BLMH: variants seen among roughly 807,000 people sequenced by gnomAD.
The protein encoded by BLMH is bleomycin hydrolase.
BLMH carries 32 observed loss-of-function variants against 61.6 expected under a neutral mutation model. The observed-to-expected ratio is 0.52, with a 90% CI of 0.39 to 0.70. The LOEUF is 0.70. Ranked by LOEUF, BLMH falls within the 30% of genes least tolerant of loss-of-function variation. The probability of loss-of-function intolerance (pLI) is 0.00; values close to 1 mark genes in which losing one functional copy is unlikely to be tolerated. For synonymous variants in BLMH, 183 were observed against 193.8 expected, an observed-to-expected ratio of 0.94 and a Z score of 0.46; for missense variants, 460 against 555.5, an observed-to-expected ratio of 0.83 and a Z score of 1.73.
At chr17:30,272,684 C>A in intron 8 of BLMH, 56 bp from the exon 9 acceptor site, 2 of 1,613,884 alleles carry the variant, frequency 1.2e-6, no homozygotes, top group East Asian at 4.5e-5. Flanking sequence ...TCCTATTATA[C>A]CAAAGAAGTA....
intron 3 of BLMH, among the ~76,000 whole-genome samples, chr17:30,289,108 A>C (rs780653944): frequency 6.6e-6 from 1 of 152,226 alleles, no homozygotes; most frequent in Non-Finnish European, 1.5e-5. Flanking sequence ...TTGAATATTG[A>C]ATATAAAATT....
At chr17:30,273,024 C>G (rs1440276768) in intron 7 of BLMH, 125 bp from the exon 8 acceptor site, 1 of 1,053,588 alleles carries the variant, frequency 9.5e-7, no homozygotes, top group Non-Finnish European at 1.4e-6. Context: ...AGTACTACAG[C>G]CACATTGTTA....
chr17:30,267,744 GA>G (rs1908150263), intron 10 of BLMH, among the ~76,000 whole-genome samples: 1 of 152,144 alleles, frequency 6.6e-6, no homozygotes, highest in Non-Finnish European at 1.5e-5. Flanking sequence ...CTCCATTTGG[GA>G]AAAGACTTTT....
intron 5 of BLMH, 101 bp downstream of exon 5, chr17:30,286,713 G>C: frequency 1.3e-6 from 1 of 775,376 alleles, no homozygotes; most frequent in South Asian, 1.7e-5. Context: ...TAGTTATCTT[G>C]TACACAAACT....
intron 11 of BLMH, among the ~76,000 whole-genome samples, chr17:30,260,506 T>C (rs993681181): frequency 2.6e-5 from 4 of 152,178 alleles, no homozygotes; most frequent in Admixed American, 6.5e-5. Context: ...AGTATGTGCT[T>C]CCTCTATTCC....
At chr17:30,272,409 T>C in intron 9 of BLMH, 152 bp downstream of exon 9, 2 of 797,552 alleles carry the variant, frequency 2.5e-6, no homozygotes, top group South Asian at 3.2e-5. Context: ...CTGCTATGAG[T>C]CCTCAAACTC....
intron 1 of BLMH, 124 bp from the exon 2 acceptor site, chr17:30,291,632 A>C (rs952272685): frequency 7.1e-7 from 1 of 1,408,024 alleles, no homozygotes; most frequent in Admixed American, 2.1e-5. Flanking sequence ...GGGGAAACCC[A>C]TAAGCGGCAT....
chr17:30,285,823 C>T (rs1368481624), intron 5 of BLMH, among the ~76,000 whole-genome samples: 1 of 152,150 alleles, frequency 6.6e-6, no homozygotes, highest in African/African-American at 2.4e-5. Flanking sequence ...GATAATTATG[C>T]CACTATGTTA....
At chr17:30,261,587 A>G (rs1349102517) in intron 11 of BLMH, among the ~76,000 whole-genome samples, 2 of 152,246 alleles carry the variant, frequency 1.3e-5, no homozygotes, top group African/African-American at 4.8e-5. Context: ...ATTGACATAG[A>G]AATGTGACAC....
intron 11 of BLMH, among the ~76,000 whole-genome samples, chr17:30,258,486 G>GGGTGGAAAATGTGGT (rs1907874151): frequency 6.6e-6 from 1 of 152,140 alleles, no homozygotes; most frequent in Non-Finnish European, 1.5e-5. Context: ...GAAAAATGCA[G>GGGTGGAAAATGTGGT]GGTGGAAAAT....
intron 11 of BLMH, among the ~76,000 whole-genome samples, chr17:30,261,774 C>G (rs1425153084): frequency 6.6e-6 from 1 of 152,148 alleles, no homozygotes; most frequent in Non-Finnish European, 1.5e-5. Context: ...GCTGGTGAGA[C>G]AATTAAAGGT....
chr17:30,270,109 A>G (rs1370242101), intron 10 of BLMH, among the ~76,000 whole-genome samples: 1 of 152,240 alleles, frequency 6.6e-6, no homozygotes, highest in Non-Finnish European at 1.5e-5. Context: ...TAGATAGGCT[A>G]GTTAGGAAAA....
At chr17:30,253,282 A>G (rs1268330109) in intron 11 of BLMH, among the ~76,000 whole-genome samples, 1 of 152,240 alleles carries the variant, frequency 6.6e-6, no homozygotes, top group African/African-American at 2.4e-5. Context: ...CATCTACACT[A>G]TCTTGTTCCA....
In BLMH at chr17:30,248,356, G is replaced by A. The variant is rs879867298; in HGVS notation, c.*661C>T. On this transcript the variant is annotated 3_prime_UTR_variant, in exon 12 of 12. Transcript: ENST00000261714. ...AGTTCCCCCTAATGATTATGACTGA[G>A]ACCATGATAAGATTTTGGTTGTTCT... 1 of 152,378 alleles carries A rather than the reference G, an allele frequency of 6.6e-6. No homozygotes were observed. The highest frequency in any genetic ancestry group is 6.5e-5 in the Admixed American group (1 of 15,268). The allele number at this position is 152,378 out of a possible 1,614,324, so 9.4% of individuals were successfully genotyped here.
At chr17:30,253,461 G>A (rs1032295546) in intron 11 of BLMH, among the ~76,000 whole-genome samples, 1 of 152,086 alleles carries the variant, frequency 6.6e-6, no homozygotes, top group Non-Finnish European at 1.5e-5. Context: ...AAGTAATTGC[G>A]CCCTATGTAG....
intron 6 of BLMH, among the ~76,000 whole-genome samples, chr17:30,284,679 ACATT>A (rs1187640177): frequency 1.3e-5 from 2 of 152,228 alleles, no homozygotes; most frequent in Admixed American, 6.5e-5. Context: ...GTTTTTACAT[ACATT>A]AACAAATATA....
intron 11 of BLMH, among the ~76,000 whole-genome samples, chr17:30,251,129 C>T (rs940449698): frequency 6.6e-6 from 1 of 152,054 alleles, no homozygotes; most frequent in Non-Finnish European, 1.5e-5. Flanking sequence ...AGACAACATA[C>T]CAGTGTACAC....
chr17:30,270,252 C>G (rs1157936385), intron 10 of BLMH, among the ~76,000 whole-genome samples: 3 of 152,156 alleles, frequency 2.0e-5, no homozygotes, highest in African/African-American at 7.2e-5. Flanking sequence ...GTAATCCCAG[C>G]ACTTTGGGAA....
intron 6 of BLMH, among the ~76,000 whole-genome samples, chr17:30,282,096 T>C (rs1908606530): frequency 6.6e-6 from 1 of 152,192 alleles, no homozygotes; most frequent in South Asian, 2.1e-4. Context: ...CTCACTAGGT[T>C]GCCCAGGTAG....
Sources: gnomAD v4.1 joint callset for allele counts (sites outside exome capture counted in the v4.1 genomes callset) on GRCh38, gnomAD v4.1.1 for gene constraint, MANE v1.5 for transcripts, NCBI Gene and HGNC (gene_info 2026-07-23, HGNC 2026-07-21) for gene names.